The following GABRB1 variants were observed in gnomAD, a reference collection of about 807,000 sequenced individuals.
The protein encoded by GABRB1 is gamma-aminobutyric acid receptor subunit beta-1.
A neutral mutation model predicts 51.6 loss-of-function variants in GABRB1; 17 were observed. That is an observed-to-expected ratio of 0.33 (90% confidence interval 0.23 to 0.49). The LOEUF (loss-of-function observed/expected upper bound fraction) is 0.49. Among genes scored for constraint, GABRB1 ranks in the 20% least tolerant of loss-of-function variants. The pLI is 0.99. For synonymous variants in GABRB1, 247 were observed against 218.9 expected, an observed-to-expected ratio of 1.13 and a Z score of -1.14; for missense variants, 410 against 600.6, an observed-to-expected ratio of 0.68 and a Z score of 3.32.
chr4:47,310,075 G>T (rs1724613569), intron 4 of GABRB1, among the ~76,000 whole-genome samples: 1 of 152,030 alleles, frequency 6.6e-6, no homozygotes, highest in Non-Finnish European at 1.5e-5. Flanking sequence ...GGCACATTTT[G>T]TCCAAGTTGC....
At chr4:47,133,798 CTTTGATCA>C (rs929471415) in intron 3 of GABRB1, among the ~76,000 whole-genome samples, 2 of 152,112 alleles carry the variant, frequency 1.3e-5, no homozygotes, top group African/African-American at 4.8e-5. Flanking sequence ...ATGATGTGCT[CTTTGATCA>C]TTTGGGTAAT....
At chr4:47,079,169 A>G (rs1727712202) in intron 3 of GABRB1, among the ~76,000 whole-genome samples, 1 of 151,964 alleles carries the variant, frequency 6.6e-6, no homozygotes, top group African/African-American at 2.4e-5. Context: ...ATTGATTGGA[A>G]TAGTTTCAGA....
chr4:47,371,485 T>C (rs1727193616), intron 5 of GABRB1, among the ~76,000 whole-genome samples: 1 of 152,248 alleles, frequency 6.6e-6, no homozygotes, highest in Non-Finnish European at 1.5e-5. Flanking sequence ...GTGGTATTTC[T>C]GCCTCTAGAT....
At chr4:47,242,119 G>A (rs1660530464) in intron 4 of GABRB1, among the ~76,000 whole-genome samples, 1 of 151,596 alleles carries the variant, frequency 6.6e-6, no homozygotes, top group African/African-American at 2.4e-5. Context: ...TCCCACCTAT[G>A]AGTGAGAACA....
At chr4:47,225,718 T>C (rs574892821) in intron 4 of GABRB1, among the ~76,000 whole-genome samples, 82 of 152,232 alleles carry the variant, frequency 5.4e-4, no homozygotes, top group Non-Finnish European at 1.0e-3. Flanking sequence ...AGAATATAAC[T>C]CCATTTATAT....
At chr4:47,153,717 C>T (rs1717564094) in intron 3 of GABRB1, among the ~76,000 whole-genome samples, 1 of 151,968 alleles carries the variant, frequency 6.6e-6, no homozygotes, top group Non-Finnish European at 1.5e-5. Context: ...AGTGTAGCAT[C>T]ACAACTACAT....
At chr4:47,011,532 C>A (rs1724580707) in intron 1 of GABRB1, among the ~76,000 whole-genome samples, 1 of 152,110 alleles carries the variant, frequency 6.6e-6, no homozygotes, top group African/African-American at 2.4e-5. Context: ...AGAAACATAT[C>A]AGACTCAGAC....
At position 47,413,438 on chromosome 4, in the gene GABRB1, A is replaced by G. The variant is rs191430976; in HGVS notation, c.1080+6512A>G. On this transcript the variant is annotated intron_variant, in intron 8 of 8. Transcript: ENST00000295454. ...AACAAAGCAAGTATTTACTTCATCT[A>G]TTCAGTGTGTCATTTCAGCAGTTAC... is the stretch of plus-strand genomic sequence containing the variant. Among the ~76,000 whole-genome samples the G allele has an allele frequency of 3.0e-3, 462 of 152,340 alleles. 6 individuals are homozygous for G. Among genetic ancestry groups the G allele is most frequent in the Admixed American group, 0.026 (394 of 15,300 alleles).
intron 1 of GABRB1, among the ~76,000 whole-genome samples, chr4:47,003,920 A>C (rs1724302483): frequency 6.6e-6 from 1 of 152,246 alleles, no homozygotes; most frequent in African/African-American, 2.4e-5. Flanking sequence ...TTTACAGGCA[A>C]GTTAGGAAAT....
intron 4 of GABRB1, among the ~76,000 whole-genome samples, chr4:47,282,051 TA>T (rs1356691755): frequency 6.6e-6 from 1 of 150,654 alleles, no homozygotes; most frequent in Non-Finnish European, 1.5e-5. Context: ...TTCTCATCAT[TA>T]AAAAAAGATG....
chr4:46,998,607 G>A (rs563439525), intron 1 of GABRB1, among the ~76,000 whole-genome samples: 2 of 151,934 alleles, frequency 1.3e-5, no homozygotes, highest in South Asian at 4.2e-4. Context: ...GGTGGCAGGA[G>A]CCTGTAGTCC....
intron 3 of GABRB1, among the ~76,000 whole-genome samples, chr4:47,103,010 C>T (rs6849317): frequency 0.25 from 37,519 of 151,728 alleles, 5,972 homozygotes; most frequent in Middle Eastern, 0.42. Flanking sequence ...CCTATGTGGA[C>T]AGCTGGATGA....
intron 4 of GABRB1, among the ~76,000 whole-genome samples, chr4:47,273,459 C>A (rs1336742548): frequency 1.3e-5 from 2 of 151,972 alleles, no homozygotes; most frequent in Non-Finnish European, 2.9e-5. Context: ...ACCCCCACAC[C>A]AAGGAAGAAG....
intron 4 of GABRB1, among the ~76,000 whole-genome samples, chr4:47,246,337 C>CATATATATATATAT (rs60968247): frequency 7.5e-5 from 4 of 53,354 alleles, no homozygotes; most frequent in Non-Finnish European, 1.2e-4. Flanking sequence ...CACATATGTA[C>CATATATATATATAT]ATATATATAT....
Position 47,260,867 on chromosome 4 carries a change from C to T in GABRB1, c.462-59260C>T, listed in dbSNP as rs556167134. Among the ~76,000 whole-genome samples the T allele has an allele frequency of 2.0e-5, 3 of 152,280 alleles. No homozygotes were observed. The East Asian group carries it at 5.8e-4, about 29-fold the overall frequency. On this transcript the variant is annotated intron_variant, in intron 4 of 8. Transcript: ENST00000295454. ...TTATCCACCATGATCAAGTGGGCTTCATCCCTGGGATGCAAGACTGGTTCA... is the reference window on the plus strand; with the variant it reads ...TTATCCACCATGATCAAGTGGGCTTTATCCCTGGGATGCAAGACTGGTTCA...
At chr4:47,126,904 A>C (rs900584248) in intron 3 of GABRB1, among the ~76,000 whole-genome samples, 1 of 152,036 alleles carries the variant, frequency 6.6e-6, no homozygotes, top group Admixed American at 6.5e-5. Flanking sequence ...AAATACCTGA[A>C]TGATATATGC....
chr4:47,262,748 T>C (rs1438269489), intron 4 of GABRB1, among the ~76,000 whole-genome samples: 2 of 152,120 alleles, frequency 1.3e-5, no homozygotes, highest in Non-Finnish European at 2.9e-5. Flanking sequence ...TGCACACATA[T>C]GTTTATTGCA....
At chr4:47,196,040 T>G (rs957449429) in intron 4 of GABRB1, among the ~76,000 whole-genome samples, 1 of 152,198 alleles carries the variant, frequency 6.6e-6, no homozygotes, top group Non-Finnish European at 1.5e-5. Context: ...ATCTTAAGAC[T>G]TTTAGAACAA....
chr4:47,174,848 C>T (rs1718595339), intron 4 of GABRB1, among the ~76,000 whole-genome samples: 2 of 151,752 alleles, frequency 1.3e-5, no homozygotes, highest in Admixed American at 1.3e-4. Flanking sequence ...TATAGGCTTC[C>T]TCCCTCCCTC....
Sources: allele counts gnomAD v4.1 joint callset (sites outside exome capture counted in the v4.1 genomes callset), GRCh38; gene constraint gnomAD v4.1.1; transcripts MANE v1.5; gene names NCBI Gene and HGNC (gene_info 2026-07-23, HGNC 2026-07-21).